The following RBFOX1 variants were observed in gnomAD, a reference collection of about 807,000 sequenced individuals.
RBFOX1 encodes the protein RNA binding protein fox-1 homolog 1.
RBFOX1 carries 8 observed loss-of-function variants against 57.7 expected under a neutral mutation model. The observed-to-expected ratio is 0.14, with a 90% CI of 0.08 to 0.25. The LOEUF (loss-of-function observed/expected upper bound fraction) is 0.25, where lower values mean the gene tolerates loss of function less well. Among genes scored for constraint, RBFOX1 ranks in the 10% least tolerant of loss-of-function variants. RBFOX1 has a pLI of 1.00. For synonymous variants in RBFOX1, 326 were observed against 222.4 expected, an observed-to-expected ratio of 1.47 and a Z score of -4.15; for missense variants, 611 against 548.5, an observed-to-expected ratio of 1.11 and a Z score of -1.14.
At chr16:5,362,979 G>T (rs2065595965) in intron 1 of RBFOX1, among the ~76,000 whole-genome samples, 1 of 150,430 alleles carries the variant, frequency 6.6e-6, no homozygotes, top group Non-Finnish European at 1.5e-5. Context: ...TGTGTATAAT[G>T]CCGTAGTAAA....
intron 4 of RBFOX1, among the ~76,000 whole-genome samples, chr16:5,907,664 C>T (rs565828390): frequency 2.0e-5 from 3 of 152,150 alleles, no homozygotes; most frequent in East Asian, 3.9e-4. Flanking sequence ...TGGGGAAGTT[C>T]CACAAAGACA....
intron 3 of RBFOX1, among the ~76,000 whole-genome samples, chr16:6,904,762 AGTTCACC>A (rs1310209407): frequency 7.2e-5 from 11 of 152,188 alleles, no homozygotes; most frequent in South Asian, 2.1e-4. Context: ...TGGGAAGGCC[AGTTCACC>A]TGCCCGGGCT....
At chr16:7,665,095 G>A (rs937212460) in intron 13 of RBFOX1, 127 bp downstream of exon 13, 63 of 1,580,862 alleles carry the variant, frequency 4.0e-5, no homozygotes, top group South Asian at 4.5e-5. Context: ...AAATAATTCC[G>A]TGGTTTGTCT....
chr16:7,581,436 C>G (rs1291074090), intron 6 of RBFOX1, among the ~76,000 whole-genome samples: 1 of 152,136 alleles, frequency 6.6e-6, no homozygotes, highest in Admixed American at 6.5e-5. Flanking sequence ...TCTTGCTATG[C>G]AGTCTATTTT....
intron 2 of RBFOX1, among the ~76,000 whole-genome samples, chr16:6,591,220 T>A (rs1385797318): frequency 6.6e-6 from 1 of 151,982 alleles, no homozygotes; most frequent in African/African-American, 2.4e-5. Flanking sequence ...CCAAGGAGGG[T>A]GGATCACTTG....
intron 2 of RBFOX1, among the ~76,000 whole-genome samples, chr16:6,322,051 T>G (rs1432140482): frequency 1.3e-5 from 2 of 152,194 alleles, no homozygotes; most frequent in Admixed American, 6.5e-5. Context: ...GTCCCAAGCC[T>G]TAGTTACTAA....
At chr16:6,560,234 A>G (rs538123795) in intron 2 of RBFOX1, among the ~76,000 whole-genome samples, 3 of 151,998 alleles carry the variant, frequency 2.0e-5, no homozygotes, top group Non-Finnish European at 4.4e-5. Flanking sequence ...TTGGGGGGAA[A>G]AACAATGAAA....
chr16:5,699,403 T>C (rs1364215943), intron 3 of RBFOX1, among the ~76,000 whole-genome samples: 1 of 148,076 alleles, frequency 6.8e-6, no homozygotes, highest in Non-Finnish European at 1.5e-5. Context: ...CTTGGGTCAA[T>C]AAAGTTTAGT....
At chr16:7,422,156 ACGTGTGCGTGTGTGTG>A (rs1182273867) in intron 4 of RBFOX1, among the ~76,000 whole-genome samples, 1 of 152,128 alleles carries the variant, frequency 6.6e-6, no homozygotes, top group African/African-American at 2.4e-5. Context: ...ATGTTTGTGT[ACGTGTGCGTGTGTGTG>A]CGTGTGCTTG....
intron 4 of RBFOX1, among the ~76,000 whole-genome samples, chr16:7,256,116 C>T (rs1226095646): frequency 6.6e-6 from 1 of 152,212 alleles, no homozygotes; most frequent in Non-Finnish European, 1.5e-5. Flanking sequence ...TGGTGAGCTT[C>T]TAAAATGCAC....
intron 3 of RBFOX1, among the ~76,000 whole-genome samples, chr16:5,620,406 G>C (rs1311226610): frequency 6.6e-6 from 1 of 152,174 alleles, no homozygotes; most frequent in African/African-American, 2.4e-5. Context: ...TGTTCTCAGT[G>C]CTGCGTTGGT....
intron 3 of RBFOX1, among the ~76,000 whole-genome samples, chr16:6,882,780 A>T (rs984293376): frequency 2.0e-5 from 3 of 151,952 alleles, no homozygotes; most frequent in Admixed American, 2.0e-4. Context: ...CAAGACCAGG[A>T]TGCAAGTGGC....
At chr16:7,090,938 C>G (rs967421165) in intron 4 of RBFOX1, among the ~76,000 whole-genome samples, 5 of 152,106 alleles carry the variant, frequency 3.3e-5, no homozygotes, top group Admixed American at 2.6e-4. Flanking sequence ...TTTAATTCCG[C>G]CAGGATTAGA....
intron 4 of RBFOX1, among the ~76,000 whole-genome samples, chr16:7,343,204 C>A (rs762230815): frequency 6.6e-6 from 1 of 152,144 alleles, no homozygotes; most frequent in Non-Finnish European, 1.5e-5. Flanking sequence ...TGCCCGGTGG[C>A]AAGGAGGATG....
chr16:7,175,293 A>C (rs1380206920), intron 4 of RBFOX1, among the ~76,000 whole-genome samples: 1 of 152,178 alleles, frequency 6.6e-6, no homozygotes, highest in East Asian at 1.9e-4. Flanking sequence ...AGTGAGAACA[A>C]AGTGCATGAT....
At chr16:6,820,975 T>G (rs2091191655) in intron 3 of RBFOX1, among the ~76,000 whole-genome samples, 1 of 152,242 alleles carries the variant, frequency 6.6e-6, no homozygotes, top group Non-Finnish European at 1.5e-5. Context: ...TTGTATTATG[T>G]GTTATATACA....
intron 3 of RBFOX1, among the ~76,000 whole-genome samples, chr16:5,734,459 G>A (rs539433856): frequency 7.9e-5 from 12 of 152,152 alleles, no homozygotes; most frequent in Non-Finnish European, 1.8e-4. Flanking sequence ...AAGAAAAACA[G>A]CACATGCTTT....
chr16:6,881,495 G>C (rs1407528643), intron 3 of RBFOX1, among the ~76,000 whole-genome samples: 1 of 152,126 alleles, frequency 6.6e-6, no homozygotes, highest in Non-Finnish European at 1.5e-5. Flanking sequence ...CAGCTACATA[G>C]AGAGCCTGTG....
At chr16:7,257,267 G>A (rs1274484703) in intron 4 of RBFOX1, among the ~76,000 whole-genome samples, 1 of 152,150 alleles carries the variant, frequency 6.6e-6, no homozygotes, top group African/African-American at 2.4e-5. Flanking sequence ...TGACTGGGAG[G>A]AAGTGAGAGT....
Sources: allele counts gnomAD v4.1 joint callset (sites outside exome capture counted in the v4.1 genomes callset), GRCh38; gene constraint gnomAD v4.1.1; transcripts MANE v1.5; gene names NCBI Gene and HGNC (gene_info 2026-07-23, HGNC 2026-07-21).